Variants in GSK3B observed in about 807,000 individuals in gnomAD.
GSK3B encodes glycogen synthase kinase-3 beta.
A neutral mutation model predicts 56.4 loss-of-function variants in GSK3B; 15 were observed. The observed-to-expected ratio is 0.27, with a 90% CI of 0.18 to 0.41. The LOEUF is 0.41. GSK3B is among the 10% of genes least tolerant of loss of function. The pLI is 1.00. For synonymous variants in GSK3B, 181 were observed against 188.9 expected (o/e 0.96, Z 0.34); for missense variants, 300 against 513.4 (o/e 0.58, Z 4.02).
At chr3:119,848,233 A>G (rs1338720118) in intron 9 of GSK3B, among the ~76,000 whole-genome samples, 1 of 152,200 alleles carries the variant, frequency 6.6e-6, no homozygotes. Context: ...TACCTGGGAT[A>G]ACCCTGGTTT....
intron 1 of GSK3B, among the ~76,000 whole-genome samples, chr3:120,062,923 G>A (rs998935928): frequency 1.3e-5 from 2 of 152,114 alleles, no homozygotes; most frequent in African/African-American, 4.8e-5. Flanking sequence ...TTACAATACT[G>A]TAAGATTTAG....
At chr3:119,937,898 TAAAAAG>T (rs1054253750) in intron 3 of GSK3B, among the ~76,000 whole-genome samples, 4 of 150,614 alleles carry the variant, frequency 2.7e-5, no homozygotes, top group East Asian at 1.9e-4. Context: ...GACTGACAAA[TAAAAAG>T]AAAAAGAATT....
In GSK3B at chr3:119,928,460, C is replaced by T. The variant is rs1055854368; in HGVS notation, c.367-4977G>A. Among the ~76,000 whole-genome samples, 109 of 151,586 alleles carry T rather than the reference C, an allele frequency of 7.2e-4. 1 individual carries two copies. Among genetic ancestry groups the T allele is most frequent in the South Asian group, 8.3e-4 (4 of 4,802 alleles). On this transcript the variant is annotated intron_variant, in intron 3 of 10. Coordinates refer to ENST00000264235, the MANE Select transcript of GSK3B (RefSeq NM_001146156.2). The stretch of plus-strand genomic sequence containing the variant: ...CTCTACTAAAAATACAAAAAATTAG[C>T]CGGGCATGGTGGCAGGTGCCTGTAG...
rs1215588743 is a variant in GSK3B at position 119,912,815 on chromosome 3, C to T, written c.609-5G>A. ...CCTCGGACCAGCTGCTTTGCACTAA[C>T]AGAAAAAAAATAAAAATAAAAAGCA... is the stretch of plus-strand genomic sequence containing the variant. On this transcript the variant is annotated splice_region_variant and splice_polypyrimidine_tract_variant and intron_variant, in intron 5 of 10. Coordinates refer to ENST00000264235, the MANE Select transcript of GSK3B (RefSeq NM_001146156.2). The T allele has an allele frequency of 1.4e-5, 20 of 1,471,828 alleles. No homozygotes were observed. Among genetic ancestry groups the T allele is most frequent in the Non-Finnish European group, 1.8e-5 (19 of 1,064,726 alleles). 91.2% of individuals were successfully genotyped at this position (1,471,828 alleles called of 1,614,324 possible).
intron 1 of GSK3B, among the ~76,000 whole-genome samples, chr3:120,067,676 C>G (rs1212300707): frequency 6.6e-6 from 1 of 152,172 alleles, no homozygotes; most frequent in Non-Finnish European, 1.5e-5. Context: ...AAAAGTCTAA[C>G]CAACTATTTG....
chr3:119,829,726 T>C (rs989854603), intron 10 of GSK3B, among the ~76,000 whole-genome samples: 5 of 152,208 alleles, frequency 3.3e-5, no homozygotes, highest in Non-Finnish European at 7.3e-5. Flanking sequence ...GCTTGCATGA[T>C]CACAGTAAAA....
At chr3:119,846,744 T>C (rs2055862005) in intron 9 of GSK3B, among the ~76,000 whole-genome samples, 1 of 152,214 alleles carries the variant, frequency 6.6e-6, no homozygotes, top group African/African-American at 2.4e-5. Context: ...CTCAAGGATC[T>C]AGAATTTGAA....
rs1304606790 is a variant in GSK3B at position 120,014,710 on chromosome 3, G to GA, written c.89-12472dup. 4.6e-5 allele frequency among the ~76,000 whole-genome samples: 7 copies of GA among 151,632 alleles called. No individual in the cohort carries two copies. In the East Asian group the frequency reaches 9.7e-4, roughly 21 times the overall value. On this transcript the variant is annotated intron_variant, in intron 1 of 10. Transcript: ENST00000264235. ...CACATGATTCTAACCTAAGAGATTA[G>GA]AAAAAACAAAAAAAACAATTACTAA...
chr3:119,856,765 A>G (rs2056028165), intron 9 of GSK3B, among the ~76,000 whole-genome samples: 1 of 152,016 alleles, frequency 6.6e-6, no homozygotes, highest in Non-Finnish European at 1.5e-5. Context: ...AATTCTATTG[A>G]TGTGTCCTAC....
At chr3:120,058,208 C>T (rs2058207130) in intron 1 of GSK3B, among the ~76,000 whole-genome samples, 1 of 152,006 alleles carries the variant, frequency 6.6e-6, no homozygotes, top group African/African-American at 2.4e-5. Context: ...ATAATAACTT[C>T]CTTTGAGAAG....
intron 5 of GSK3B, among the ~76,000 whole-genome samples, chr3:119,914,917 T>C (rs1160645243): frequency 6.6e-6 from 1 of 152,100 alleles, no homozygotes; most frequent in Non-Finnish European, 1.5e-5. Context: ...TATAGAGCTA[T>C]GGTGAAAAGA....
At chr3:119,896,196 T>C (rs1287584441) in intron 7 of GSK3B, among the ~76,000 whole-genome samples, 3 of 152,086 alleles carry the variant, frequency 2.0e-5, no homozygotes, top group African/African-American at 7.2e-5. Flanking sequence ...ACTTCATTCT[T>C]TTCTTACTAA....
At position 119,876,462 on chromosome 3, in the gene GSK3B, T is replaced by C; in HGVS notation, c.860A>G (p.Asn287Ser). Residue 287 changes from asparagine (N) to serine (S), a missense_variant, in exon 8 of 11, where the codon AAC becomes AGC. Around this residue, in one of 6 missense-constraint regions of GSK3B, gnomAD observed 39 missense variants for 154.6 expected, o/e 0.25. Transcript: ENST00000264235. The stretch of plus-strand genomic sequence containing the variant: ...TTGAGGGAATTTAAATTCTGTGTAG[T>C]TTGGGTTCATTTCTCTGATTTGCTC... ...TREQIREMNP[N>S]YTEFKFPQIK... The C allele has an allele frequency of 6.2e-7, 1 of 1,610,574 alleles. No homozygotes were observed. The highest frequency in any genetic ancestry group is 8.5e-7 in the Non-Finnish European group (1 of 1,176,932).
chr3:120,029,027 T>C, intron 1 of GSK3B: 1 of 649,208 alleles, frequency 1.5e-6, no homozygotes, highest in Non-Finnish European at 2.8e-6. Flanking sequence ...ATAGGGACTC[T>C]CATAAAATCT....
intron 1 of GSK3B, among the ~76,000 whole-genome samples, chr3:120,085,002 G>C (rs185571085): frequency 1.6e-4 from 24 of 152,282 alleles, no homozygotes; most frequent in Admixed American, 1.6e-3. Flanking sequence ...TAAAGATTCA[G>C]AATACCTATG....
chr3:119,869,223 C>CAAAAAAAAAA (rs67194724), intron 8 of GSK3B, among the ~76,000 whole-genome samples: 18 of 54,818 alleles, frequency 3.3e-4, no homozygotes, highest in Admixed American at 3.5e-4. Flanking sequence ...GATTCCATCT[C>CAAAAAAAAAA]AAAAAAAAAA....
chr3:120,073,056 G>C (rs546383078), intron 1 of GSK3B, among the ~76,000 whole-genome samples: 138 of 152,148 alleles, frequency 9.1e-4, no homozygotes, highest in African/African-American at 3.2e-3. Flanking sequence ...ACCTTGGCAA[G>C]AGTTACTTAA....
chr3:120,005,522 A>T (rs2057719051), intron 1 of GSK3B, among the ~76,000 whole-genome samples: 1 of 152,184 alleles, frequency 6.6e-6, no homozygotes, highest in Admixed American at 6.5e-5. Flanking sequence ...AAGGGCAGCC[A>T]GAGAAAGGTT....
intron 1 of GSK3B, among the ~76,000 whole-genome samples, chr3:120,058,882 C>T (rs888172159): frequency 6.6e-6 from 1 of 151,820 alleles, no homozygotes; most frequent in Non-Finnish European, 1.5e-5. Flanking sequence ...TGGCAGCATG[C>T]GCCTGTAGTC....
Sources: allele counts gnomAD v4.1 joint callset (sites outside exome capture counted in the v4.1 genomes callset), GRCh38; gene constraint gnomAD v4.1.1; regional missense constraint gnomAD v4.1.1; transcripts MANE v1.5; gene names NCBI Gene and HGNC (gene_info 2026-07-23, HGNC 2026-07-21).